The following SYTL2 variants were observed in gnomAD, a reference collection of about 807,000 sequenced individuals.
The protein encoded by SYTL2 is synaptotagmin like 2.
Under a neutral mutation model 198.7 loss-of-function variants are expected in SYTL2, and 165 were observed. The ratio of observed to expected loss-of-function variants is 0.83; its 90% CI spans 0.73 to 0.94. The LOEUF (loss-of-function observed/expected upper bound fraction) is 0.94. Ranked by LOEUF, SYTL2 falls within the 40% of genes least tolerant of loss-of-function variation. SYTL2 has a pLI of 0.00. For missense variants in SYTL2, 2,835 were observed against 2,582.8 expected (o/e 1.10, Z -2.12); for synonymous variants, 966 against 917.7 (o/e 1.05, Z -0.95).
Position 85,695,272 on chromosome 11 carries a change from T to C in SYTL2, c.6643A>G (p.Met2215Val). ...ATCCAAGTATTGGGGGAGTTTACCA[T>C]CTTCTCCCAGAGAGCAACTTCCTCT... The part of the protein sequence containing the change: ...TSEEVALWEK[M>V]VNSPNTWIEA... Residue 2215 changes from methionine (M) to valine (V), a missense_variant, in exon 20 of 20, where the codon ATG becomes GTG. By Grantham distance (21) the Met-to-Val change is conservative. Coordinates refer to ENST00000359152, the MANE Select transcript of SYTL2 (RefSeq NM_206927.4). 1 of 1,612,780 alleles carries C rather than the reference T, an allele frequency of 6.2e-7. No homozygotes were observed. Among genetic ancestry groups the C allele is most frequent in the Non-Finnish European group, 8.5e-7 (1 of 1,179,038 alleles).
rs780162355 is a variant in SYTL2 at position 85,724,206 on chromosome 11, G to C, written c.5152C>G (p.Pro1718Ala). 6.3e-7 allele frequency: 1 copy of C among 1,593,316 alleles called. No individual in the cohort carries two copies. The highest frequency in any genetic ancestry group is 8.5e-7 in the Non-Finnish European group (1 of 1,173,980). Residue 1718 changes from proline to alanine, a missense_variant, in exon 8 of 20, where the codon CCC becomes GCC. Around this residue, in one of 3 missense-constraint regions of SYTL2, gnomAD observed 2,645 missense variants for 2,381.7 expected, o/e 1.11. Transcript: ENST00000359152. ...TCTTTGTTCATCAGGAGAGGAATGGGTTGCCTATTTCTGGACACACTAATT... is the reference window on the plus strand; with the variant it reads ...TCTTTGTTCATCAGGAGAGGAATGGCTTGCCTATTTCTGGACACACTAATT... ...EAISVSRNRQ[P>A]IPLLMNKENS...
At chr11:85,803,432 G>A (rs2092917887) in intron 1 of SYTL2, among the ~76,000 whole-genome samples, 1 of 152,254 alleles carries the variant, frequency 6.6e-6, no homozygotes, top group Admixed American at 6.5e-5. Flanking sequence ...AGTCCTGGGT[G>A]GTGCTGCTTC....
At chr11:85,714,887 T>G in intron 11 of SYTL2, 1 of 176,694 alleles carries the variant, frequency 5.7e-6, no homozygotes, top group Non-Finnish European at 1.2e-5. Flanking sequence ...GATATATCAC[T>G]AACACACTGC....
intron 3 of SYTL2, among the ~76,000 whole-genome samples, chr11:85,746,987 A>C (rs2091196110): frequency 6.6e-6 from 1 of 152,228 alleles, no homozygotes; most frequent in African/African-American, 2.4e-5. Context: ...AATTAGAAAT[A>C]ATAGAAATTA....
chr11:85,829,500 T>C, the SYTL2 span, among the ~76,000 whole-genome samples: 1 of 152,224 alleles, frequency 6.6e-6, no homozygotes, highest in Non-Finnish European at 1.5e-5. Flanking sequence ...GTGAGTACTG[T>C]TGAAATGAGC....
the SYTL2 span, chr11:85,853,340 G>A: frequency 6.7e-6 from 3 of 444,906 alleles, no homozygotes; most frequent in South Asian, 1.6e-5. Context: ...GCCTTGGGAT[G>A]CTGTTGATCT....
At chr11:85,768,403 T>A (rs2092289496) in intron 1 of SYTL2, among the ~76,000 whole-genome samples, 1 of 152,240 alleles carries the variant, frequency 6.6e-6, no homozygotes, top group Non-Finnish European at 1.5e-5. Context: ...GTTTCCCTAA[T>A]GACTCTCGTT....
the SYTL2 span, among the ~76,000 whole-genome samples, chr11:85,847,670 G>A: frequency 6.6e-6 from 1 of 152,124 alleles, no homozygotes; most frequent in African/African-American, 2.4e-5. Context: ...ATTCCAGTAG[G>A]TGTGTAGTAG....
intron 1 of SYTL2, among the ~76,000 whole-genome samples, chr11:85,771,474 A>C (rs1235318265): frequency 6.6e-6 from 1 of 152,226 alleles, no homozygotes; most frequent in East Asian, 1.9e-4. Context: ...GTTCTAGCTC[A>C]GACAACTGTT....
rs777788216 is a variant in SYTL2 at position 85,724,818 on chromosome 11, A to AG, written c.4539dup (p.Ser1514LeufsTer4). 19 of 1,613,398 alleles carry AG rather than the reference A, an allele frequency of 1.2e-5. No homozygotes were observed. In the East Asian group the frequency reaches 2.9e-4, roughly 25 times the overall value. ...TTCCCTGTATCACTTTCATATTTTG[A>AG]GGGGAAGGTTTCAGTTTCTTCCTTC... On this transcript the variant is annotated frameshift_variant, in exon 8 of 20. Coordinates refer to ENST00000359152, the MANE Select transcript of SYTL2 (RefSeq NM_206927.4). LOFTEE classifies it high-confidence loss of function.
intron 2 of SYTL2, among the ~76,000 whole-genome samples, chr11:85,749,559 A>T (rs2091386347): frequency 2.0e-5 from 3 of 152,152 alleles, no homozygotes; most frequent in Admixed American, 2.0e-4. Flanking sequence ...CTCTCTCCCA[A>T]GCGTGCCTGG....
intron 8 of SYTL2, among the ~76,000 whole-genome samples, 185 bp from the exon 9 acceptor site, chr11:85,721,144 T>C (rs1035838980): frequency 1.3e-5 from 2 of 152,180 alleles, no homozygotes; most frequent in African/African-American, 4.8e-5. Flanking sequence ...AAACATAATT[T>C]TCCTGGTCAA....
At chr11:85,808,400 T>G (rs988369187) in intron 1 of SYTL2, among the ~76,000 whole-genome samples, 1 of 152,276 alleles carries the variant, frequency 6.6e-6, no homozygotes, top group Middle Eastern at 3.4e-3. Flanking sequence ...GATCTTATAT[T>G]TTTTTCTACA....
At position 85,725,016 on chromosome 11, in the gene SYTL2, A is replaced by G; in HGVS notation, c.4342T>C (p.Ser1448Pro). ...GGAGACATTTGGGCAGCTAAATAAG[A>G]TCCAACTTCATGAGTTTTATCAGGA... ...VVPDKTHEVG[S>P]YLAAQMSPSD... Residue 1448 changes from serine (S) to proline (P), a missense_variant, in exon 8 of 20, where the codon TCT becomes CCT. Coordinates refer to ENST00000359152, the MANE Select transcript of SYTL2 (RefSeq NM_206927.4). 7 of 1,614,160 alleles carry G rather than the reference A, an allele frequency of 4.3e-6. No individual in the cohort carries two copies. Among genetic ancestry groups the G allele is most frequent in the Non-Finnish European group, 5.9e-6 (7 of 1,180,004 alleles).
At chr11:85,783,934 T>C (rs3862784) in intron 1 of SYTL2, among the ~76,000 whole-genome samples, 2,549 of 152,304 alleles carry the variant, frequency 0.017, 86 homozygotes, top group African/African-American at 0.058. Context: ...GCTCATTTTC[T>C]GATCTCTGGC....
intron 1 of SYTL2, among the ~76,000 whole-genome samples, chr11:85,802,179 C>T (rs1194881427): frequency 1.3e-5 from 2 of 150,988 alleles, no homozygotes; most frequent in East Asian, 3.9e-4. Flanking sequence ...CATCCTTCAA[C>T]GTTTCCTCCC....
At chr11:85,835,247 CA>C in the SYTL2 span, among the ~76,000 whole-genome samples, 24 of 151,812 alleles carry the variant, frequency 1.6e-4, no homozygotes, top group Admixed American at 2.6e-4. Flanking sequence ...TTAAATATAC[CA>C]TTCCTTCTCA....
intron 4 of SYTL2, among the ~76,000 whole-genome samples, chr11:85,741,232 T>C (rs1036044467): frequency 1.3e-5 from 2 of 152,170 alleles, no homozygotes; most frequent in Admixed American, 6.5e-5. Flanking sequence ...CTGGCATGTG[T>C]TGGCACTTAA....
chr11:85,766,459 G>A lies in SYTL2; in HGVS notation c.-389-8345C>T, dbSNP rs114443549. 5.2e-3 allele frequency among the ~76,000 whole-genome samples: 790 copies of A among 152,266 alleles called. 12 individuals are homozygous for A. Among genetic ancestry groups the A allele is most frequent in the African/African-American group, 0.018 (738 of 41,546 alleles). ...TGACTTATCTTTGACAACATATCAC[G>A]AAGGACTTTAAGCCACATAGAACAG... is the stretch of plus-strand genomic sequence containing the variant. On this transcript the variant is annotated intron_variant, in intron 1 of 19. Transcript: ENST00000359152.
Sources: gnomAD v4.1 joint callset for allele counts (sites outside exome capture counted in the v4.1 genomes callset) on GRCh38, gnomAD v4.1.1 for gene constraint, gnomAD v4.1.1 regional missense constraint, MANE v1.5 for transcripts, NCBI Gene and HGNC (gene_info 2026-07-23, HGNC 2026-07-21) for gene names.